AQP11: variants seen among roughly 807,000 people sequenced by gnomAD.
The protein encoded by AQP11 is aquaporin 11.
AQP11 carries 20 observed loss-of-function variants against 21.1 expected under a neutral mutation model. That is an observed-to-expected ratio of 0.95 (90% CI 0.67 to 1.38). AQP11 has a LOEUF of 1.38. AQP11 is among the 40% of genes most tolerant of loss of function. The pLI is 0.00. For synonymous variants in AQP11, 167 were observed against 150.1 expected, an observed-to-expected ratio of 1.11 and a Z score of -0.82; for missense variants, 339 against 340.4, an observed-to-expected ratio of 1.00 and a Z score of 0.03.
At chr11:77,603,706 T>C in intron 2 of AQP11, 34 bp downstream of exon 2, 2 of 1,442,742 alleles carry the variant, frequency 1.4e-6, no homozygotes, top group Non-Finnish European at 1.9e-6. Context: ...GTCTGAAAGA[T>C]TAGGGTATTT....
Position 77,598,494 on chromosome 11 carries a change from GT to G in AQP11, c.620-5060del, listed in dbSNP as rs535527675. ...TGTTTTTTGAAGCCATCTTTTGATAGTTCCATGCCTGATGATTCTTTAAAAA... is the reference window on the plus strand; with the variant it reads ...TGTTTTTTGAAGCCATCTTTTGATAGTCCATGCCTGATGATTCTTTAAAAA... On this transcript the variant is annotated intron_variant, in intron 1 of 2. Transcript: ENST00000313578. Among the ~76,000 whole-genome samples the G allele has an allele frequency of 2.6e-4, 40 of 152,298 alleles. 1 individual carries two copies. In the South Asian group the frequency reaches 8.3e-3, roughly 32 times the overall value.
chr11:77,593,481 A>G (rs1234124863), intron 1 of AQP11, among the ~76,000 whole-genome samples: 1 of 152,108 alleles, frequency 6.6e-6, no homozygotes, highest in East Asian at 1.9e-4. Context: ...TAAAAAATAC[A>G]AAAAAATTAG....
At chr11:77,596,784 C>T (rs1958786013) in intron 1 of AQP11, among the ~76,000 whole-genome samples, 2 of 151,096 alleles carry the variant, frequency 1.3e-5, no homozygotes, top group Non-Finnish European at 2.9e-5. Context: ...TGCTTGAGCC[C>T]TGAAGTTTGA....
At chr11:77,606,943 T>C (rs1958850152) in intron 2 of AQP11, among the ~76,000 whole-genome samples, 1 of 152,202 alleles carries the variant, frequency 6.6e-6, no homozygotes, top group Non-Finnish European at 1.5e-5. Flanking sequence ...ATTTAGCTTG[T>C]TGAAAATATG....
chr11:77,592,086 G>A (rs886216785), intron 1 of AQP11, among the ~76,000 whole-genome samples: 1 of 152,110 alleles, frequency 6.6e-6, no homozygotes, highest in African/African-American at 2.4e-5. Context: ...GGCAACATAA[G>A]AGAAATCCCA....
chr11:77,599,191 A>G (rs113421632), intron 1 of AQP11, among the ~76,000 whole-genome samples: 7 of 147,826 alleles, frequency 4.7e-5, no homozygotes, highest in African/African-American at 7.5e-5. Context: ...ACACCTGGCT[A>G]ATTTTTTTTT....
chr11:77,596,381 C>T (rs1159812074), intron 1 of AQP11, among the ~76,000 whole-genome samples: 2 of 149,874 alleles, frequency 1.3e-5, no homozygotes, highest in Non-Finnish European at 3.0e-5. Context: ...GCGGAGGTTG[C>T]AGCGAGCTGA....
intron 1 of AQP11, among the ~76,000 whole-genome samples, chr11:77,591,903 A>C (rs1958750682): frequency 6.6e-6 from 1 of 152,054 alleles, no homozygotes; most frequent in Non-Finnish European, 1.5e-5. Context: ...AAGCCTTCCC[A>C]ATCAATTTCC....
chr11:77,590,871 T>G (rs2135742399), intron 1 of AQP11: 1 of 985,360 alleles, frequency 1.0e-6, no homozygotes, highest in East Asian at 1.1e-4. Flanking sequence ...TTGCCAAGGG[T>G]TCAGATATCC....
At chr11:77,606,691 G>A (rs115330421) in intron 2 of AQP11, among the ~76,000 whole-genome samples, 3,094 of 152,162 alleles carry the variant, frequency 0.02, 104 homozygotes, top group African/African-American at 0.072. Flanking sequence ...GACTACTGGC[G>A]TATGCCCCCA....
chr11:77,602,653 G>A (rs1220443267), intron 1 of AQP11, among the ~76,000 whole-genome samples: 1 of 152,188 alleles, frequency 6.6e-6, no homozygotes, highest in Admixed American at 6.5e-5. Flanking sequence ...GCCTATTCAA[G>A]TGTGAAATCT....
chr11:77,597,300 A>C (rs1337499238), intron 1 of AQP11, among the ~76,000 whole-genome samples: 2 of 152,160 alleles, frequency 1.3e-5, no homozygotes, highest in Admixed American at 1.3e-4. Flanking sequence ...GGCCAGGCGC[A>C]GTGGCTCATG....
intron 1 of AQP11, among the ~76,000 whole-genome samples, chr11:77,595,604 G>A (rs950209324): frequency 6.6e-5 from 10 of 152,062 alleles, no homozygotes; most frequent in African/African-American, 2.2e-4. Context: ...CAAATAGTCT[G>A]TTTACTCTAA....
chr11:77,596,525 A>AATATATATGTAAATATATATATAT (rs2135745741), intron 1 of AQP11, among the ~76,000 whole-genome samples: 1 of 87,252 alleles, frequency 1.1e-5, no homozygotes, highest in East Asian at 2.8e-4. Flanking sequence ...TATATATGTA[A>AATATATATGTAAATATATATATAT]ATATATATGT....
intron 1 of AQP11, among the ~76,000 whole-genome samples, chr11:77,597,967 C>G (rs1273069309): frequency 1.3e-5 from 2 of 152,080 alleles, no homozygotes; most frequent in African/African-American, 4.8e-5. Flanking sequence ...TCTTGAACTC[C>G]TGACCTTGTG....
rs73500739 is a variant in AQP11, at chr11:77,597,238, A to G, written c.620-6318A>G. Among the ~76,000 whole-genome samples, 755 of 152,314 alleles carry G rather than the reference A, an allele frequency of 5.0e-3. 8 individuals carry two copies. Among genetic ancestry groups the G allele is most frequent in the African/African-American group, 0.017 (721 of 41,556 alleles). Reference sequence around the variant, plus strand: ...GGTGTTCCCCACAACATCTGAGAACAGTCTAATGTCATTCTTCCAGGTTTG... The same window carrying G: ...GGTGTTCCCCACAACATCTGAGAACGGTCTAATGTCATTCTTCCAGGTTTG... On this transcript the variant is annotated intron_variant, in intron 1 of 2. Coordinates refer to ENST00000313578, the MANE Select transcript of AQP11 (RefSeq NM_173039.3).
intron 1 of AQP11, among the ~76,000 whole-genome samples, chr11:77,592,565 TTC>T (rs1334535350): frequency 1.3e-5 from 2 of 152,246 alleles, no homozygotes; most frequent in Non-Finnish European, 2.9e-5. Flanking sequence ...GAAGTTGATA[TTC>T]TTTCTGTCTA....
chr11:77,599,669 C>T (rs916761922), intron 1 of AQP11, among the ~76,000 whole-genome samples: 1 of 151,880 alleles, frequency 6.6e-6, no homozygotes, highest in Non-Finnish European at 1.5e-5. Flanking sequence ...ATCAAAACCT[C>T]CGCCTCCCCG....
Position 77,590,334 on chromosome 11 carries a change from C to CG in AQP11, c.343dup (p.Glu115GlyfsTer13), listed in dbSNP as rs1958739064. The CG allele has an allele frequency of 6.2e-7, 1 of 1,610,678 alleles. No individual in the cohort carries two copies. Among genetic ancestry groups the CG allele is most frequent in the African/African-American group, 1.3e-5 (1 of 74,886 alleles). ...AGATGATGCTGGGGGGCATGTCCCC[C>CG]GAGACGGGTGCGGTGAGGCTATTGG... is the stretch of plus-strand genomic sequence containing the variant. On this transcript the variant is annotated frameshift_variant, in exon 1 of 3. Transcript: ENST00000313578. LOFTEE classifies it high-confidence loss of function.
Sources: allele counts gnomAD v4.1 joint callset (sites outside exome capture counted in the v4.1 genomes callset), GRCh38; gene constraint gnomAD v4.1.1; transcripts MANE v1.5; gene names NCBI Gene and HGNC (gene_info 2026-07-23, HGNC 2026-07-21).